RAPGEF4: variants seen among roughly 807,000 people sequenced by gnomAD.
The protein encoded by RAPGEF4 is Rap guanine nucleotide exchange factor 4.
Under a neutral mutation model 147.9 loss-of-function variants are expected in RAPGEF4, and 66 were observed. The ratio of observed to expected loss-of-function variants is 0.45; its 90% CI spans 0.37 to 0.55. The LOEUF (loss-of-function observed/expected upper bound fraction) is 0.55, where lower values mean the gene tolerates loss of function less well. Ranked by LOEUF, RAPGEF4 falls within the 20% of genes least tolerant of loss-of-function variation. The pLI is 0.00. For missense variants in RAPGEF4, 1,071 were observed against 1,257.3 expected, an observed-to-expected ratio of 0.85 and a Z score of 2.24; for synonymous variants, 419 against 442.7, an observed-to-expected ratio of 0.95 and a Z score of 0.67.
At chr2:173,033,759 T>C (rs1379235301) in intron 26 of RAPGEF4, among the ~76,000 whole-genome samples, 155 bp from the exon 27 acceptor site, 4 of 152,372 alleles carry the variant, frequency 2.6e-5, no homozygotes, top group East Asian at 1.9e-4. Context: ...TGGAAGATTA[T>C]TCTCAAATGG....
rs556177951 is a variant in RAPGEF4 at position 173,023,127 on chromosome 2, G to T, written c.2253+2412G>T. ...GGCCATAGCAGAGCTAGACACAGAGGGTGTGGGCACACGAGGAAAGGAAGA... is the reference window on the plus strand; with the variant it reads ...GGCCATAGCAGAGCTAGACACAGAGTGTGTGGGCACACGAGGAAAGGAAGA... On this transcript the variant is annotated intron_variant, in intron 23 of 30. Coordinates refer to ENST00000397081, the MANE Select transcript of RAPGEF4 (RefSeq NM_007023.4). Among the ~76,000 whole-genome samples the T allele has an allele frequency of 2.6e-5, 4 of 152,220 alleles. No individual in the cohort carries two copies. The South Asian group carries it at 8.3e-4, about 32-fold the overall frequency.
intron 1 of RAPGEF4, among the ~76,000 whole-genome samples, chr2:172,748,799 C>T (rs1449040685): frequency 6.6e-6 from 1 of 152,224 alleles, no homozygotes; most frequent in Non-Finnish European, 1.5e-5. Flanking sequence ...GCCTATGAGG[C>T]TGTAAAATCA....
intron 4 of RAPGEF4, among the ~76,000 whole-genome samples, chr2:172,911,788 A>G (rs1459176390): frequency 1.5e-5 from 2 of 130,948 alleles, no homozygotes; most frequent in African/African-American, 2.9e-5. Flanking sequence ...TTTTTTCATA[A>G]GAGACAGGAT....
intron 9 of RAPGEF4, 39 bp downstream of exon 9, chr2:172,965,722 T>C (rs372482850): frequency 6.1e-5 from 99 of 1,613,288 alleles, no homozygotes; most frequent in Non-Finnish European, 7.9e-5. Flanking sequence ...TCTCAAGAAA[T>C]GCTAAGTGCA....
chr2:173,032,130 T>A (rs115371261), intron 26 of RAPGEF4, among the ~76,000 whole-genome samples: 232 of 152,296 alleles, frequency 1.5e-3, no homozygotes, highest in Middle Eastern at 6.8e-3. Context: ...GAGAATTACC[T>A]GGAGCACACA....
intron 4 of RAPGEF4, among the ~76,000 whole-genome samples, chr2:172,910,676 G>A (rs1700003119): frequency 6.6e-6 from 1 of 152,186 alleles, no homozygotes; most frequent in African/African-American, 2.4e-5. Context: ...GCCTCAGTTG[G>A]ACTGTGGAGC....
At chr2:172,870,375 A>C (rs1201689004) in intron 4 of RAPGEF4, among the ~76,000 whole-genome samples, 1 of 152,178 alleles carries the variant, frequency 6.6e-6, no homozygotes, top group Non-Finnish European at 1.5e-5. Flanking sequence ...GAAGCTATCC[A>C]TCATGTCTTT....
intron 4 of RAPGEF4, among the ~76,000 whole-genome samples, chr2:172,878,740 A>G (rs536633905): frequency 6.6e-6 from 1 of 152,340 alleles, no homozygotes; most frequent in South Asian, 2.1e-4. Flanking sequence ...ACTAGCTAGA[A>G]AAAATGGGCA....
intron 17 of RAPGEF4, among the ~76,000 whole-genome samples, chr2:173,005,495 T>TTTG (rs138462198): frequency 5.4e-5 from 8 of 147,514 alleles, no homozygotes; most frequent in East Asian, 3.9e-4. Context: ...GTATATTATT[T>TTTG]TTGTTGTTGT....
chr2:173,032,060 C>T (rs1033173779), intron 26 of RAPGEF4, among the ~76,000 whole-genome samples: 4 of 152,080 alleles, frequency 2.6e-5, no homozygotes, highest in African/African-American at 7.3e-5. Context: ...AAAGCCAGAG[C>T]ACACAATAAA....
At chr2:172,865,365 A>G (rs1694519443) in intron 4 of RAPGEF4, among the ~76,000 whole-genome samples, 1 of 152,188 alleles carries the variant, frequency 6.6e-6, no homozygotes, top group Non-Finnish European at 1.5e-5. Flanking sequence ...TGCGTAGTCC[A>G]AATAAAACCA....
At chr2:172,913,046 C>A (rs1211223180) in intron 4 of RAPGEF4, among the ~76,000 whole-genome samples, 2 of 152,074 alleles carry the variant, frequency 1.3e-5, no homozygotes, top group African/African-American at 4.8e-5. Flanking sequence ...CAGGCGCCCA[C>A]CACCATGCCT....
chr2:172,748,724 C>G (rs1694997752), intron 1 of RAPGEF4, among the ~76,000 whole-genome samples: 1 of 152,188 alleles, frequency 6.6e-6, no homozygotes, highest in Non-Finnish European at 1.5e-5. Context: ...AGTGTTAACT[C>G]ATTTCAGCAT....
chr2:172,795,766 C>T (rs1686300186), intron 2 of RAPGEF4, among the ~76,000 whole-genome samples: 1 of 152,074 alleles, frequency 6.6e-6, no homozygotes, highest in Admixed American at 6.5e-5. Context: ...AGAAGAAGTC[C>T]TGAGGTAGAA....
chr2:173,023,436 C>T (rs900354436), intron 23 of RAPGEF4, among the ~76,000 whole-genome samples: 3 of 152,168 alleles, frequency 2.0e-5, no homozygotes, highest in Non-Finnish European at 4.4e-5. Flanking sequence ...GGGCTATGTA[C>T]AAGAAAATGG....
At chr2:172,854,039 A>T (rs542974943) in intron 4 of RAPGEF4, among the ~76,000 whole-genome samples, 6 of 151,986 alleles carry the variant, frequency 3.9e-5, no homozygotes, top group Admixed American at 2.6e-4. Flanking sequence ...TAAATCTATC[A>T]TGCACACTTG....
At chr2:172,963,118 A>G (rs1380995325) in intron 8 of RAPGEF4, among the ~76,000 whole-genome samples, 2 of 152,258 alleles carry the variant, frequency 1.3e-5, no homozygotes, top group East Asian at 3.9e-4. Flanking sequence ...TTAAATGATC[A>G]GATCTCATGA....
At chr2:172,772,634 G>T (rs1574783723) in intron 1 of RAPGEF4, among the ~76,000 whole-genome samples, 1 of 152,138 alleles carries the variant, frequency 6.6e-6, no homozygotes, top group East Asian at 1.9e-4. Context: ...ATGAGCCACC[G>T]CACCCAGCTA....
chr2:172,835,063 G>A (rs540546882), intron 4 of RAPGEF4, among the ~76,000 whole-genome samples: 13 of 152,294 alleles, frequency 8.5e-5, no homozygotes, highest in South Asian at 2.1e-4. Context: ...GTTGCCAGCC[G>A]TCCCTTCTCA....
Sources: allele counts gnomAD v4.1 joint callset (sites outside exome capture counted in the v4.1 genomes callset), GRCh38; gene constraint gnomAD v4.1.1; transcripts MANE v1.5; gene names NCBI Gene and HGNC (gene_info 2026-07-23, HGNC 2026-07-21).